TMED8: variants seen among roughly 807,000 people sequenced by gnomAD.
The protein encoded by TMED8 is protein TMED8.
In TMED8, 15 loss-of-function variants were observed where a neutral mutation model predicts 32.7. The ratio of observed to expected loss-of-function variants is 0.46; its 90% CI spans 0.31 to 0.71. The LOEUF is 0.71. Ranked by LOEUF, TMED8 falls within the 30% of genes least tolerant of loss-of-function variation. The pLI, the probability that TMED8 is intolerant of heterozygous loss-of-function variation, is 0.06. For missense variants in TMED8, 390 were observed against 423.9 expected (o/e 0.92, Z 0.70); for synonymous variants, 147 against 161.4 (o/e 0.91, Z 0.68).
rs1252173639 is a variant in TMED8 at position 77,338,370 on chromosome 14, A to C, written c.*3401T>G. On this transcript the variant is annotated 3_prime_UTR_variant, in exon 6 of 6. Transcript: ENST00000216468. ...GACACCTTTTAAGGCCTAAAAAGAA[A>C]AATTCATCATCTGTTCTCTCTGAAG... 6.6e-6 allele frequency: 1 copy of C among 152,234 alleles called. No homozygotes were observed. The highest frequency in any genetic ancestry group is 1.5e-5 in the Non-Finnish European group (1 of 68,048). 9.4% of individuals were successfully genotyped at this position (152,234 alleles called of 1,614,324 possible). A position where few individuals can be genotyped will look rare whatever the true frequency, so the allele number is the denominator to read the frequency against.
rs934411082 is a variant in TMED8, at chr14:77,340,530, C to G, written c.*1241G>C. On this transcript the variant is annotated 3_prime_UTR_variant, in exon 6 of 6. Coordinates refer to ENST00000216468, the MANE Select transcript of TMED8 (RefSeq NM_213601.3). ...ATCTCACCTCCGTCTCCTCCTCCGCCTGGGGGCCCAGCAGCTGGTGCTCTG... is the reference window on the plus strand; with the variant it reads ...ATCTCACCTCCGTCTCCTCCTCCGCGTGGGGGCCCAGCAGCTGGTGCTCTG... 1 of 152,272 alleles carries G rather than the reference C, an allele frequency of 6.6e-6. No homozygotes were observed. 9.4% of individuals were successfully genotyped at this position (152,272 alleles called of 1,614,324 possible).
rs1036103475 is a variant in TMED8 at position 77,349,263 on chromosome 14, T to A, written c.197+2410A>T. ...TCCTGAGTAGCTGGGACTACAGGTG[T>A]GCACCACCATGCCTGGCTAATTTTT... On this transcript the variant is annotated intron_variant, in intron 2 of 5. Transcript: ENST00000216468. Among the ~76,000 whole-genome samples, 6 of 151,886 alleles carry A rather than the reference T, an allele frequency of 4.0e-5. No individual in the cohort carries two copies. In the East Asian group the frequency reaches 1.2e-3, roughly 29 times the overall value.
At chr14:77,364,129 T>A (rs1893497871) in intron 1 of TMED8, among the ~76,000 whole-genome samples, 1 of 152,260 alleles carries the variant, frequency 6.6e-6, no homozygotes, top group Non-Finnish European at 1.5e-5. Flanking sequence ...ACTTGATATG[T>A]GAAGAATAGT....
chr14:77,359,785 A>G (rs879760938), intron 1 of TMED8: 5 of 234,904 alleles, frequency 2.1e-5, no homozygotes, highest in Non-Finnish European at 4.3e-5. Flanking sequence ...GCCAATTTCA[A>G]ATGTAATTCA....
rs2139599416 is a variant in TMED8 at position 77,341,104 on chromosome 14, T to A, written c.*667A>T. The A allele has an allele frequency of 6.6e-6, 1 of 152,438 alleles. No homozygotes were observed. The highest frequency in any genetic ancestry group is 2.1e-4 in the South Asian group (1 of 4,834). The allele number at this position is 152,438 out of a possible 1,614,324, so 9.4% of individuals were successfully genotyped here. On this transcript the variant is annotated 3_prime_UTR_variant, in exon 6 of 6. Transcript: ENST00000216468. ...CTTCCCACAAGATCTTAGGTTACAT[T>A]GATCATCACTTGAGATTGCATGAAT... is the stretch of plus-strand genomic sequence containing the variant.
At chr14:77,348,245 A>G (rs970347256) in intron 2 of TMED8, among the ~76,000 whole-genome samples, 7 of 146,814 alleles carry the variant, frequency 4.8e-5, no homozygotes, top group Admixed American at 4.1e-4. Context: ...TTTTTTTGAG[A>G]CGGAGTCTCA....
At chr14:77,351,610 C>A (rs1893180620) in intron 2 of TMED8, 63 bp downstream of exon 2, 21 of 1,465,744 alleles carry the variant, frequency 1.4e-5, no homozygotes, top group Non-Finnish European at 2.0e-5. Flanking sequence ...CTACCTATTT[C>A]TTTCACCAGT....
chr14:77,367,803 C>T (rs1375557786), intron 1 of TMED8, among the ~76,000 whole-genome samples: 1 of 152,048 alleles, frequency 6.6e-6, no homozygotes, highest in Non-Finnish European at 1.5e-5. Flanking sequence ...AAGCGATTCT[C>T]CTGCCTCAGC....
chr14:77,373,325 CA>C, intron 1 of TMED8, among the ~76,000 whole-genome samples: 1 of 150,088 alleles, frequency 6.7e-6, no homozygotes, highest in East Asian at 2.0e-4. Context: ...AAAACAAAAA[CA>C]AAAAAACCTG....
At chr14:77,366,813 T>C (rs1294468782) in intron 1 of TMED8, among the ~76,000 whole-genome samples, 2 of 152,166 alleles carry the variant, frequency 1.3e-5, no homozygotes, top group African/African-American at 2.4e-5. Context: ...TCCCTTTCTA[T>C]AGTTTAAGAA....
intron 2 of TMED8, 43 bp downstream of exon 2, chr14:77,351,630 C>T: frequency 1.3e-6 from 2 of 1,534,198 alleles, no homozygotes; most frequent in Non-Finnish European, 1.8e-6. Flanking sequence ...TTCCTCATCT[C>T]AGAAGATAAA....
intron 1 of TMED8, among the ~76,000 whole-genome samples, chr14:77,372,927 TATATATATATATATATATATATATA>T (rs1471044133): frequency 0.014 from 434 of 31,434 alleles, 3 homozygotes; most frequent in African/African-American, 0.072. Context: ...TATATATATA[TATATATATATATATATATATATATA>T]TTTTTTTTTT....
rs1335731478 is a variant in TMED8, at chr14:77,376,894, G to C, written c.118+42C>G. 5 of 1,251,024 alleles carry C rather than the reference G, an allele frequency of 4.0e-6. No individual in the cohort carries two copies. In the African/African-American group the frequency reaches 7.9e-5, roughly 20 times the overall value. The allele number at this position is 1,251,024 out of a possible 1,614,324, so 77.5% of individuals were successfully genotyped here. On this transcript the variant is annotated intron_variant, in intron 1 of 5. Coordinates refer to ENST00000216468, the MANE Select transcript of TMED8 (RefSeq NM_213601.3). The surrounding 1 kb of genome is among the most constrained non-coding windows in gnomAD (Gnocchi z 4.0). ...CTCGCGCCGTGGTGCGGGGCCCTGA[G>C]GCCGGGCGGCACCCACCCGCCAGCG...
chr14:77,346,760 G>GTTTTTTTTTTTTTTTTTTTTTTT, intron 2 of TMED8, among the ~76,000 whole-genome samples: 3 of 69,440 alleles, frequency 4.3e-5, no homozygotes, highest in Admixed American at 1.8e-4. Context: ...TGCTGGTCTG[G>GTTTTTTTTTTTTTTTTTTTTTTT]TTTTTTTTTT....
At position 77,340,258 on chromosome 14, in the gene TMED8, G is replaced by A. The variant is rs1226489282; in HGVS notation, c.*1513C>T. The A allele has an allele frequency of 1.3e-5, 2 of 152,062 alleles. No homozygotes were observed. Among genetic ancestry groups the A allele is most frequent in the Non-Finnish European group, 2.9e-5 (2 of 68,034 alleles). 9.4% of individuals were successfully genotyped at this position (152,062 alleles called of 1,614,324 possible). A position where few individuals can be genotyped will look rare whatever the true frequency, so the allele number is the denominator to read the frequency against. ...TGACCTACAGAAATAAAACATCATC[G>A]CTTCCCAAATTCTCCTAAAAATATC... is the stretch of plus-strand genomic sequence containing the variant. On this transcript the variant is annotated 3_prime_UTR_variant, in exon 6 of 6. Coordinates refer to ENST00000216468, the MANE Select transcript of TMED8 (RefSeq NM_213601.3).
At position 77,346,355 on chromosome 14, in the gene TMED8, G is replaced by A; in HGVS notation, c.321C>T (p.Leu107=). The A allele has an allele frequency of 6.2e-7, 1 of 1,613,990 alleles. No homozygotes were observed. The highest frequency in any genetic ancestry group is 1.3e-5 in the African/African-American group (1 of 74,994). Reference sequence around the variant, plus strand: ...GCCAGAATCTGCCCCCTACCTCATTGAGGACCTGGGCCTGGTCTGCAGGCA... The same window carrying A: ...GCCAGAATCTGCCCCCTACCTCATTAAGGACCTGGGCCTGGTCTGCAGGCA... ...DLLPADQAQV[L]NEMAKYQVPQ... The change falls in exon 3 of 6, where the codon CTC becomes CTT. Residue 107 remains leucine, a synonymous_variant. Coordinates refer to ENST00000216468, the MANE Select transcript of TMED8 (RefSeq NM_213601.3).
At chr14:77,358,116 T>C (rs1281027439) in intron 1 of TMED8, among the ~76,000 whole-genome samples, 4 of 118,940 alleles carry the variant, frequency 3.4e-5, no homozygotes, top group African/African-American at 1.3e-4. Flanking sequence ...GGAGTGAGGC[T>C]CTGTCTCCAA....
In TMED8 at chr14:77,338,743, G is replaced by A. The variant is rs1014446141; in HGVS notation, c.*3028C>T. ...CAAAATAAACCTCTAAATGTATTGA[G>A]ACCTGTCTCAGATACTTTTTGGTTT... On this transcript the variant is annotated 3_prime_UTR_variant, in exon 6 of 6. Transcript: ENST00000216468. 2 of 152,184 alleles carry A rather than the reference G, an allele frequency of 1.3e-5. No homozygotes were observed. The highest frequency in any genetic ancestry group is 2.9e-5 in the Non-Finnish European group (2 of 68,046). The allele number at this position is 152,184 out of a possible 1,614,324, so 9.4% of individuals were successfully genotyped here.
chr14:77,374,815 T>C (rs565765098), intron 1 of TMED8, among the ~76,000 whole-genome samples: 17 of 152,374 alleles, frequency 1.1e-4, no homozygotes, highest in African/African-American at 4.1e-4. Flanking sequence ...ATGTTTTGAA[T>C]TGTTAATTGT....
Sources: allele counts gnomAD v4.1 joint callset (sites outside exome capture counted in the v4.1 genomes callset), GRCh38; gene constraint gnomAD v4.1.1; non-coding constraint Gnocchi (gnomAD v3.1); transcripts MANE v1.5; gene names NCBI Gene and HGNC (gene_info 2026-07-23, HGNC 2026-07-21).